TXNDC16: variants seen among roughly 807,000 people sequenced by gnomAD.
TXNDC16 encodes thioredoxin domain-containing protein 16.
In TXNDC16, 74 loss-of-function variants were observed where a neutral mutation model predicts 85.6. The ratio of observed to expected loss-of-function variants is 0.86; its 90% CI spans 0.72 to 1.05. The LOEUF (loss-of-function observed/expected upper bound fraction) is 1.05. TXNDC16 is among the 50% of genes least tolerant of loss of function. The pLI is 0.00. For missense variants in TXNDC16, 959 were observed against 947.0 expected, an observed-to-expected ratio of 1.01 and a Z score of -0.17; for synonymous variants, 335 against 326.5, an observed-to-expected ratio of 1.03 and a Z score of -0.28.
intron 9 of TXNDC16, among the ~76,000 whole-genome samples, chr14:52,508,600 T>G (rs1043608820): frequency 5.7e-4 from 87 of 152,160 alleles, no homozygotes; most frequent in African/African-American, 1.9e-3. Flanking sequence ...CATGCTGCTA[T>G]AAAGACACAT....
At chr14:52,463,195 A>T (rs760039049) in intron 16 of TXNDC16, among the ~76,000 whole-genome samples, 8 of 57,324 alleles carry the variant, frequency 1.4e-4, no homozygotes, top group Admixed American at 1.6e-4. Context: ...CAGTTCAGAT[A>T]AAAAAAAAAA....
intron 6 of TXNDC16, among the ~76,000 whole-genome samples, chr14:52,526,079 A>C (rs1028806261): frequency 1.3e-5 from 2 of 152,134 alleles, no homozygotes; most frequent in African/African-American, 2.4e-5. Flanking sequence ...GAACCTGTGA[A>C]TATGGAGGGC....
At chr14:52,515,377 C>T (rs2037057222) in intron 7 of TXNDC16, among the ~76,000 whole-genome samples, 1 of 150,368 alleles carries the variant, frequency 6.7e-6, no homozygotes, top group South Asian at 2.1e-4. Context: ...AATAATTTTA[C>T]AAGGCATATA....
At position 52,514,976 on chromosome 14, in the gene TXNDC16, G is replaced by A. The variant is rs961362943; in HGVS notation, c.515-6C>T. 6.2e-7 allele frequency: 1 copy of A among 1,606,272 alleles called. No homozygotes were observed. The highest frequency in any genetic ancestry group is 8.5e-7 in the Non-Finnish European group (1 of 1,175,882). ...TTCCATGACTGCTCTGTGCTCTGAA[G>A]AAGAGATAAAGGGAGTTGGAAGACA... On this transcript the variant is annotated splice_polypyrimidine_tract_variant and splice_region_variant and intron_variant, in intron 7 of 20. Transcript: ENST00000281741.
intron 16 of TXNDC16, among the ~76,000 whole-genome samples, chr14:52,458,244 C>G (rs1307890695): frequency 1.1e-4 from 17 of 152,134 alleles, no homozygotes; most frequent in Non-Finnish European, 8.8e-5. Flanking sequence ...GCATGGGGAG[C>G]TCATTTACAA....
chr14:52,484,642 G>T (rs544287544), intron 12 of TXNDC16, among the ~76,000 whole-genome samples: 2 of 152,132 alleles, frequency 1.3e-5, no homozygotes, highest in Admixed American at 1.3e-4. Context: ...CACTTTGGGG[G>T]GCCGAGGTGG....
In TXNDC16 at chr14:52,470,659, G is replaced by A. The variant is rs2035886725; in HGVS notation, c.1334C>T (p.Thr445Ile). The change falls in exon 15 of 21, where the codon ACT becomes ATT. Residue 445 changes from threonine to isoleucine, a missense_variant. Transcript: ENST00000281741. The stretch of plus-strand genomic sequence containing the variant: ...AGACCAATCTGCACAGTTTATTCTA[G>A]TAAGAAGCATAGTAGATGTGCCTAA... ...KLKGTSTMLLTRINCADWSDV... is the reference protein window; with the variant it reads ...KLKGTSTMLLIRINCADWSDV... The A allele has an allele frequency of 6.2e-7, 1 of 1,607,174 alleles. No homozygotes were observed. The highest frequency in any genetic ancestry group is 8.5e-7 in the Non-Finnish European group (1 of 1,177,190).
intron 9 of TXNDC16, among the ~76,000 whole-genome samples, chr14:52,501,068 T>C (rs2036647248): frequency 6.6e-6 from 1 of 152,174 alleles, no homozygotes; most frequent in Non-Finnish European, 1.5e-5. Context: ...GGAACCTTAA[T>C]AATACATCTA....
At chr14:52,499,948 A>G (rs1006000312) in intron 9 of TXNDC16, among the ~76,000 whole-genome samples, 1 of 152,102 alleles carries the variant, frequency 6.6e-6, no homozygotes, top group Non-Finnish European at 1.5e-5. Context: ...ATTTTGTATT[A>G]TTTTTATTGT....
At chr14:52,497,674 G>T (rs1008730909) in intron 9 of TXNDC16, among the ~76,000 whole-genome samples, 1 of 152,136 alleles carries the variant, frequency 6.6e-6, no homozygotes, top group Non-Finnish European at 1.5e-5. Context: ...GAGCTCAGGA[G>T]TTCGAGACCA....
intron 20 of TXNDC16, among the ~76,000 whole-genome samples, chr14:52,438,920 T>A (rs2035098347): frequency 6.6e-6 from 1 of 152,186 alleles, no homozygotes. Flanking sequence ...CTGTAACAAC[T>A]TTTTTAATGG....
intron 9 of TXNDC16, among the ~76,000 whole-genome samples, chr14:52,509,335 C>T (rs1040864051): frequency 1.3e-5 from 2 of 151,956 alleles, no homozygotes; most frequent in Non-Finnish European, 2.9e-5. Context: ...CTCAACTATT[C>T]GAAGAGAAGG....
At chr14:52,468,861 G>A (rs1296053332) in intron 16 of TXNDC16, among the ~76,000 whole-genome samples, 2 of 151,474 alleles carry the variant, frequency 1.3e-5, no homozygotes. Context: ...TGGGCAATAG[G>A]GCGAGACCCT....
chr14:52,522,691 C>T (rs550254620), intron 6 of TXNDC16, among the ~76,000 whole-genome samples: 228 of 152,294 alleles, frequency 1.5e-3, no homozygotes, highest in Non-Finnish European at 2.7e-3. Context: ...TCATAATTTT[C>T]ACTGTATGCA....
chr14:52,501,486 C>T (rs2036657859), intron 9 of TXNDC16, among the ~76,000 whole-genome samples: 1 of 152,158 alleles, frequency 6.6e-6, no homozygotes, highest in Admixed American at 6.5e-5. Context: ...ATTTGCAAAG[C>T]ATCTTACCAA....
At chr14:52,470,747 A>C (rs1376062881) in intron 14 of TXNDC16, 67 bp from the exon 15 acceptor site, 4 of 1,438,480 alleles carry the variant, frequency 2.8e-6, no homozygotes, top group Non-Finnish European at 3.8e-6. Flanking sequence ...TAGGATCTTC[A>C]GTATTTTTCT....
rs1319049655 is a variant in TXNDC16 at position 52,491,016 on chromosome 14, A to G, written c.757-11T>C. On this transcript the variant is annotated splice_polypyrimidine_tract_variant and intron_variant, in intron 9 of 20. Coordinates refer to ENST00000281741, the MANE Select transcript of TXNDC16 (RefSeq NM_020784.3). Reference sequence around the variant, plus strand: ...TTCAGCAACTTCAGTCTTCATTGAAAAAAAAAAAAAAAAAAGGTGTGATAA... The same window carrying G: ...TTCAGCAACTTCAGTCTTCATTGAAGAAAAAAAAAAAAAAAGGTGTGATAA... 1 of 1,216,966 alleles carries G rather than the reference A, an allele frequency of 8.2e-7. No homozygotes were observed. Among genetic ancestry groups the G allele is most frequent in the Non-Finnish European group, 1.1e-6 (1 of 906,532 alleles). 75.4% of individuals were successfully genotyped at this position (1,216,966 alleles called of 1,614,324 possible).
rs375250740 is a variant in TXNDC16 at position 52,490,994 on chromosome 14, A to G, written c.768T>C (p.Ala256=). ...CAGTTGAAACTTGTTGAGGATCTTC[A>G]GCAACTTCAGTCTTCATTGAAAAAA... ...TMKAPLLTEV[A]EDPQQVSTVH... is the part of the protein sequence containing the mutation. The change falls in exon 10 of 21, where the codon GCT becomes GCC. Residue 256 remains alanine, a synonymous_variant. Transcript: ENST00000281741. 3 of 1,565,044 alleles carry G rather than the reference A, an allele frequency of 1.9e-6. No individual in the cohort carries two copies. Among genetic ancestry groups the G allele is most frequent in the Non-Finnish European group, 2.6e-6 (3 of 1,160,208 alleles).
chr14:52,527,815 C>A (rs2037372985), intron 6 of TXNDC16, among the ~76,000 whole-genome samples: 1 of 152,108 alleles, frequency 6.6e-6, no homozygotes, highest in African/African-American at 2.4e-5. Flanking sequence ...ACAACTCAGA[C>A]TCTTTGGAGT....
Sources: gnomAD v4.1 joint callset for allele counts (sites outside exome capture counted in the v4.1 genomes callset) on GRCh38, gnomAD v4.1.1 for gene constraint, MANE v1.5 for transcripts, NCBI Gene and HGNC (gene_info 2026-07-23, HGNC 2026-07-21) for gene names.